CD22: variants seen among roughly 807,000 people sequenced by gnomAD.
CD22 encodes B-cell receptor CD22.
A neutral mutation model predicts 94.7 loss-of-function variants in CD22; 51 were observed. The ratio of observed to expected loss-of-function variants is 0.54; its 90% CI spans 0.43 to 0.68. The LOEUF is 0.68. CD22 is among the 30% of genes least tolerant of loss of function. The pLI is 0.00. For synonymous variants in CD22, 424 were observed against 422.5 expected (o/e 1.00, Z -0.04); for missense variants, 931 against 1,060.4 (o/e 0.88, Z 1.69).
Position 35,338,214 on chromosome 19 carries a change from G to A in CD22, c.1032G>A (p.Val344=). The A allele has an allele frequency of 6.2e-7, 1 of 1,614,198 alleles. No homozygotes were observed. The highest frequency in any genetic ancestry group is 8.5e-7 in the Non-Finnish European group (1 of 1,180,018). Residue 344 remains valine (V), a synonymous_variant, in exon 6 of 14, where the codon GTG becomes GTA. Coordinates refer to ENST00000085219, the MANE Select transcript of CD22 (RefSeq NM_001771.4). ...STVQILHSPA[V]EGSQVEFLCM... is the part of the protein sequence containing the mutation. ...TTCAGATCCTCCACTCACCGGCTGT[G>A]GAGGGAAGTCAAGTCGAGTTTCTTT...
chr19:35,334,269 A>G (rs899700208), intron 3 of CD22, among the ~76,000 whole-genome samples: 6 of 152,218 alleles, frequency 3.9e-5, no homozygotes, highest in Non-Finnish European at 7.3e-5. Context: ...AGACAAGTTC[A>G]TTTATCTTGC....
chr19:35,329,869 C>T (rs766984708), intron 1 of CD22: 1 of 153,498 alleles, frequency 6.5e-6, no homozygotes, highest in Non-Finnish European at 1.5e-5. Flanking sequence ...TTTCAAAGAA[C>T]TCTGGCTCTG....
chr19:35,346,032 C>T lies in CD22; in HGVS notation c.2328-119C>T, dbSNP rs2066901562. On this transcript the variant is annotated intron_variant, in intron 12 of 13. Transcript: ENST00000085219. ...CTGTGAGCTTTGGGCACTGGGGAGG[C>T]CACAGGTTTTACATAAGGGGCTGAG... 3.9e-6 allele frequency: 3 copies of T among 765,410 alleles called. No homozygotes were observed. The South Asian group carries it at 4.5e-5, about 12-fold the overall frequency. 47.4% of individuals were successfully genotyped at this position (765,410 alleles called of 1,614,324 possible). A position where few individuals can be genotyped will look rare whatever the true frequency, so the allele number is the denominator to read the frequency against.
In CD22 at chr19:35,341,600, G is replaced by A. The variant is rs768347315; in HGVS notation, c.1765G>A (p.Val589Met). The A allele has an allele frequency of 1.9e-6, 3 of 1,610,610 alleles. No homozygotes were observed. The South Asian group carries it at 3.3e-5, about 18-fold the overall frequency. The change falls in exon 8 of 14, where the codon GTG (valine) becomes ATG (methionine). Residue 589 changes from valine to methionine, a missense_variant. By Grantham distance (21) the Val-to-Met change is conservative. Coordinates refer to ENST00000085219, the MANE Select transcript of CD22 (RefSeq NM_001771.4). The surrounding 1 kb of genome is among the most constrained non-coding windows in gnomAD (Gnocchi z 4.0). ...AGCGTCCAAGGCCTGGACACTTGAAGTGCTGTGTGAGTGAGGGCCGGAGGC... is the reference window on the plus strand; with the variant it reads ...AGCGTCCAAGGCCTGGACACTTGAAATGCTGTGTGAGTGAGGGCCGGAGGC... ...QTASKAWTLE[V>M]LYAPRRLRVS...
Position 35,332,712 on chromosome 19 carries a change from A to G in CD22, c.200A>G (p.Asn67Ser). The change falls in exon 3 of 14, where the codon AAC (asparagine) becomes AGC (serine). Residue 67 changes from asparagine to serine, a missense_variant. Coordinates refer to ENST00000085219, the MANE Select transcript of CD22 (RefSeq NM_001771.4). ...ILFHNPEYNK[N>S]TSKFDGTRLY... ...TTCCACAATCCTGAGTATAACAAGAACACCTCGAAGTTTGATGGGACAAGA... is the reference window on the plus strand; with the variant it reads ...TTCCACAATCCTGAGTATAACAAGAGCACCTCGAAGTTTGATGGGACAAGA... 1 of 1,614,152 alleles carries G rather than the reference A, an allele frequency of 6.2e-7. No individual in the cohort carries two copies. The highest frequency in any genetic ancestry group is 8.5e-7 in the Non-Finnish European group (1 of 1,180,038).
chr19:35,334,483 C>T (rs1270995561), intron 3 of CD22, among the ~76,000 whole-genome samples: 1 of 152,110 alleles, frequency 6.6e-6, no homozygotes, highest in East Asian at 1.9e-4. Context: ...TGGCTTTGAC[C>T]CATCAAACAC....
At position 35,341,955 on chromosome 19, in the gene CD22, C is replaced by T; in HGVS notation, c.2025C>T (p.Leu675=). 2 of 1,612,478 alleles carry T rather than the reference C, an allele frequency of 1.2e-6. No individual in the cohort carries two copies. Among genetic ancestry groups the T allele is most frequent in the South Asian group, 1.1e-5 (1 of 90,878 alleles). Residue 675 remains leucine (L), a synonymous_variant, in exon 9 of 14, where the codon CTC becomes CTT. Transcript: ENST00000085219. This position sits in a 1 kb window ranked among gnomAD's most constrained non-coding sequence, Gnocchi z 4.0. ...VGKGRSPLST[L]TVYYSPETIG... is the part of the protein sequence containing the mutation. ...AGGGCCGTTCGCCTCTCAGCACCCT[C>T]ACCGTCTACTGTAAGGCCTCTTCCT... is the stretch of plus-strand genomic sequence containing the variant.
In CD22 at chr19:35,336,349, T is replaced by C; in HGVS notation, c.718+8T>C. ...TGCAGCTGAACGTGAAGCGTGAGTC[T>C]CCCCGGCATGCCTGTGGGAAGGGCA... On this transcript the variant is annotated splice_region_variant and intron_variant, in intron 4 of 13. Coordinates refer to ENST00000085219, the MANE Select transcript of CD22 (RefSeq NM_001771.4). 1 of 1,612,426 alleles carries C rather than the reference T, an allele frequency of 6.2e-7. No individual in the cohort carries two copies. The highest frequency in any genetic ancestry group is 1.3e-5 in the African/African-American group (1 of 75,014).
Position 35,341,008 on chromosome 19 carries a change from T to C in CD22, c.1377T>C (p.His459=), listed in dbSNP as rs1177750860. ...PSVTRYEWKP[H]GAWEEPSLGV... ...TTACCCGGTATGAATGGAAACCCCA[T>C]GGCGCCTGGGAGGAGCCATCGCTTG... Residue 459 remains histidine (H), a synonymous_variant, in exon 7 of 14, where the codon CAT becomes CAC. Transcript: ENST00000085219. This position sits in a 1 kb window ranked among gnomAD's most constrained non-coding sequence, Gnocchi z 4.0. 6.2e-7 allele frequency: 1 copy of C among 1,614,078 alleles called. No individual in the cohort carries two copies. The highest frequency in any genetic ancestry group is 1.3e-5 in the African/African-American group (1 of 74,932).
At position 35,341,983 on chromosome 19, in the gene CD22, T is replaced by C. The variant is rs2066817064; in HGVS notation, c.2035+18T>C. ...CGTCTACTGTAAGGCCTCTTCCTGC[T>C]CTTGTTCTTCTTGGTGGTGGTCAGT... On this transcript the variant is annotated intron_variant, in intron 9 of 13. Transcript: ENST00000085219. The surrounding 1 kb of genome is among the most constrained non-coding windows in gnomAD (Gnocchi z 4.0). 6.3e-7 allele frequency: 1 copy of C among 1,590,714 alleles called. No individual in the cohort carries two copies. Among genetic ancestry groups the C allele is most frequent in the Admixed American group, 1.7e-5 (1 of 57,574 alleles).
At chr19:35,334,782 G>A (rs961193637) in intron 3 of CD22, among the ~76,000 whole-genome samples, 1 of 152,136 alleles carries the variant, frequency 6.6e-6, no homozygotes, top group Non-Finnish European at 1.5e-5. Flanking sequence ...AATTCACTTA[G>A]AGGTGGTGGG....
chr19:35,344,753 A>G (rs919429394), intron 9 of CD22, 76 bp from the exon 10 acceptor site: 14 of 1,077,674 alleles, frequency 1.3e-5, no homozygotes, highest in Non-Finnish European at 1.8e-5. Context: ...AGAGAAGTCC[A>G]GGATGCCTTC....
At chr19:35,331,814 TCTAGCCTGGGAGAC>T in intron 1 of CD22, 191 bp from the exon 2 acceptor site, 3 of 1,057,752 alleles carry the variant, frequency 2.8e-6, no homozygotes, top group Non-Finnish European at 3.9e-6. Context: ...ACCACTGCAC[TCTAGCCTGGGAGAC>T]AGAGCAAGAC....
At chr19:35,336,376 G>A in intron 4 of CD22, 35 bp downstream of exon 4, 1 of 1,598,912 alleles carries the variant, frequency 6.3e-7, no homozygotes, top group Non-Finnish European at 8.5e-7. Flanking sequence ...GGAAGGGCAA[G>A]GTCTGTGTCA....
intron 9 of CD22, 83 bp downstream of exon 9, chr19:35,342,048 TCC>T: frequency 3.0e-6 from 3 of 1,015,786 alleles, no homozygotes; most frequent in Non-Finnish European, 4.1e-6. Context: ...CTTCCTTCCT[TCC>T]TTCCTTTCTT....
chr19:35,329,795 C>T (rs58679707), intron 1 of CD22: 4,643 of 155,334 alleles, frequency 0.03, 249 homozygotes, highest in African/African-American at 0.11. Context: ...CAAGTGTTGG[C>T]TGCAGGGAAC....
In CD22 at chr19:35,337,613, A is replaced by C; in HGVS notation, c.719-142A>C. ...TAGAGGAAGTGGGAGGGGGAAGCTG[A>C]GAGCCGAGTTAGGAGGCTGTGACCA... On this transcript the variant is annotated intron_variant, in intron 4 of 13. Transcript: ENST00000085219. This position sits in a 1 kb window ranked among gnomAD's most constrained non-coding sequence, Gnocchi z 4.4. The C allele has an allele frequency of 1.4e-6, 1 of 705,700 alleles. No individual in the cohort carries two copies. The allele number at this position is 705,700 out of a possible 1,614,324, so 43.7% of individuals were successfully genotyped here.
intron 3 of CD22, 31 bp from the exon 4 acceptor site, chr19:35,336,005 A>G (rs1332179436): frequency 4.4e-6 from 7 of 1,591,624 alleles, no homozygotes; most frequent in African/African-American, 1.3e-5. Flanking sequence ...TCAGTCCCCC[A>G]GGCTCCTGCA....
rs534159105 is a variant in CD22, at chr19:35,336,136, G to A, written c.513G>A (p.Pro171=). The A allele has an allele frequency of 1.7e-5, 28 of 1,614,142 alleles. No homozygotes were observed. The South Asian group carries it at 2.0e-4, about 11-fold the overall frequency. Residue 171 remains proline, a synonymous_variant, in exon 4 of 14, where the codon CCG becomes CCA. Transcript: ENST00000085219. ...CLLNFSCYGY[P]IQLQWLLEGV... ...TGAATTTCTCCTGCTATGGGTATCC[G>A]ATCCAATTGCAGTGGCTCCTAGAGG... is the stretch of plus-strand genomic sequence containing the variant.
Sources: allele counts gnomAD v4.1 joint callset (sites outside exome capture counted in the v4.1 genomes callset), GRCh38; gene constraint gnomAD v4.1.1; non-coding constraint Gnocchi (gnomAD v3.1); transcripts MANE v1.5; gene names NCBI Gene and HGNC (gene_info 2026-07-23, HGNC 2026-07-21).